Variants in KANK1 observed in about 807,000 individuals in gnomAD.
The protein encoded by KANK1 is KN motif and ankyrin repeat domains 1.
Under a neutral mutation model 106.2 loss-of-function variants are expected in KANK1, and 109 were observed. The ratio of observed to expected loss-of-function variants is 1.03; its 90% CI spans 0.88 to 1.20. The LOEUF is 1.20. KANK1 is among the 50% of genes most tolerant of loss of function. The pLI, the probability that KANK1 is intolerant of heterozygous loss-of-function variation, is 0.00. For missense variants in KANK1, 2,399 were observed against 1,710.7 expected (o/e 1.40, Z -7.10); for synonymous variants, 873 against 652.2 (o/e 1.34, Z -5.16).
chr9:496,017 A>G (rs1246883939), intron 3 of KANK1, among the ~76,000 whole-genome samples: 2 of 152,136 alleles, frequency 1.3e-5, no homozygotes, highest in Non-Finnish European at 2.9e-5. Flanking sequence ...TCCCAGCTGG[A>G]AGGGGTCAGG....
rs562186786 is a variant in KANK1 at position 587,403 on chromosome 9, A to G, written c.-84+82649A>G. Among the ~76,000 whole-genome samples, 11 of 152,322 alleles carry G rather than the reference A, an allele frequency of 7.2e-5. No individual in the cohort carries two copies. In the East Asian group the frequency reaches 1.3e-3, roughly 19 times the overall value. ...TAAATACCCCATTTTCATAAACACA[A>G]TATGCACAGACTAGATAATACTAGG... On this transcript the variant is annotated intron_variant, in intron 1 of 11. Coordinates refer to ENST00000382297, the MANE Select transcript of KANK1 (RefSeq NM_015158.5).
At chr9:632,148 C>T (rs959248277) in intron 1 of KANK1, among the ~76,000 whole-genome samples, 4 of 152,146 alleles carry the variant, frequency 2.6e-5, no homozygotes, top group Non-Finnish European at 5.9e-5. Flanking sequence ...TATGGTCAAA[C>T]GTTAGAAAGT....
chr9:554,428 C>T (rs569536992), intron 1 of KANK1, among the ~76,000 whole-genome samples: 2 of 152,316 alleles, frequency 1.3e-5, no homozygotes, highest in Admixed American at 6.5e-5. Flanking sequence ...CACTGATGAG[C>T]ATCCATGTTG....
chr9:567,738 G>C (rs957992129), intron 1 of KANK1, among the ~76,000 whole-genome samples: 3 of 152,208 alleles, frequency 2.0e-5, no homozygotes, highest in Non-Finnish European at 4.4e-5. Flanking sequence ...CCTTCCTCAT[G>C]GAACTTTGGT....
intron 1 of KANK1, among the ~76,000 whole-genome samples, chr9:612,177 CTGT>C (rs1460811341): frequency 1.3e-5 from 2 of 152,184 alleles, no homozygotes; most frequent in East Asian, 1.9e-4. Context: ...AGGAAACTAT[CTGT>C]TGTTTTGTGC....
intron 1 of KANK1, among the ~76,000 whole-genome samples, chr9:533,317 G>C (rs186156102): frequency 6.6e-6 from 1 of 152,186 alleles, no homozygotes; most frequent in Non-Finnish European, 1.5e-5. Context: ...ACAGAGTTTA[G>C]ATTTGCCAGT....
chr9:635,917 C>T (rs1480441697), intron 1 of KANK1, among the ~76,000 whole-genome samples: 2 of 151,956 alleles, frequency 1.3e-5, no homozygotes, highest in Non-Finnish European at 2.9e-5. Context: ...TCAGGTGATC[C>T]ACCTGCATCA....
rs142442062 is a variant in KANK1 at position 712,053 on chromosome 9, A to C, written c.1287A>C (p.Thr429=). ...CCTGTAAGGATGCAGCTGTAGGGAC[A>C]CTTGTTGAGATGAGAAATTGTGGGG... ...SRSCKDAAVG[T]LVEMRNCGVS... is the part of the protein sequence containing the mutation. The change falls in exon 3 of 12, where the codon ACA becomes ACC. Residue 429 remains threonine (T), a synonymous_variant. Coordinates refer to ENST00000382297, the MANE Select transcript of KANK1 (RefSeq NM_015158.5). 46 of 1,614,064 alleles carry C rather than the reference A, an allele frequency of 2.8e-5. No homozygotes were observed. In the African/African-American group the frequency reaches 6.1e-4, roughly 22 times the overall value.
At chr9:477,315 A>AT (rs1241794422) in intron 3 of KANK1, among the ~76,000 whole-genome samples, 7 of 152,176 alleles carry the variant, frequency 4.6e-5, no homozygotes, top group African/African-American at 1.7e-4. Flanking sequence ...AAAAAAAAAA[A>AT]AAAAAGATCT....
intron 1 of KANK1, among the ~76,000 whole-genome samples, chr9:626,729 T>C (rs962135823): frequency 6.6e-6 from 1 of 152,198 alleles, no homozygotes; most frequent in Admixed American, 6.5e-5. Context: ...GGACAGAATA[T>C]ATTTGTGCTT....
chr9:609,443 C>A (rs760575670), intron 1 of KANK1, among the ~76,000 whole-genome samples: 1 of 152,102 alleles, frequency 6.6e-6, no homozygotes, highest in African/African-American at 2.4e-5. Flanking sequence ...GCCTGGCCAA[C>A]ATGGTGAAAC....
intron 1 of KANK1, among the ~76,000 whole-genome samples, chr9:538,865 AT>A (rs1441571232): frequency 6.6e-6 from 1 of 152,004 alleles, no homozygotes; most frequent in Admixed American, 6.6e-5. Context: ...TTGTTTGAAA[AT>A]TTTCCAGCTT....
At chr9:732,215 C>A in intron 5 of KANK1, 163 bp from the exon 6 acceptor site, 7 of 744,704 alleles carry the variant, frequency 9.4e-6, no homozygotes, top group Non-Finnish European at 1.5e-5. Context: ...CCATTCAAAA[C>A]CACCAGGCAT....
At chr9:736,193 C>G (rs960312638) in intron 7 of KANK1, among the ~76,000 whole-genome samples, 1 of 152,162 alleles carries the variant, frequency 6.6e-6, no homozygotes, top group African/African-American at 2.4e-5. Context: ...CTCCTGACCT[C>G]GTGGTCCGCC....
intron 1 of KANK1, among the ~76,000 whole-genome samples, chr9:539,990 C>G (rs929399768): frequency 6.6e-6 from 1 of 152,176 alleles, no homozygotes; most frequent in Non-Finnish European, 1.5e-5. Flanking sequence ...CAAACAGAGA[C>G]AGAGTAACTT....
intron 3 of KANK1, among the ~76,000 whole-genome samples, chr9:720,832 G>A (rs4742292): frequency 0.63 from 95,019 of 152,002 alleles, 30,065 homozygotes; most frequent in Middle Eastern, 0.67. Flanking sequence ...TGTTCAGGGA[G>A]CATTTACTTT....
intron 3 of KANK1, among the ~76,000 whole-genome samples, chr9:480,302 G>C (rs2132143139): frequency 6.6e-6 from 1 of 152,334 alleles, no homozygotes; most frequent in Middle Eastern, 3.4e-3. Flanking sequence ...AGACAGATGT[G>C]TAAGATTATT....
intron 7 of KANK1, 52 bp from the exon 8 acceptor site, chr9:738,233 T>C: frequency 7.0e-7 from 1 of 1,437,112 alleles, no homozygotes; most frequent in Non-Finnish European, 9.6e-7. Context: ...TTCAACTAGG[T>C]CTCAGAAAGT....
At chr9:536,595 T>C (rs1026052727) in intron 1 of KANK1, among the ~76,000 whole-genome samples, 5 of 152,192 alleles carry the variant, frequency 3.3e-5, no homozygotes, top group African/African-American at 1.2e-4. Flanking sequence ...TTCTTCTGGC[T>C]CCTCTTATGT....
Sources: allele counts gnomAD v4.1 joint callset (sites outside exome capture counted in the v4.1 genomes callset), GRCh38; gene constraint gnomAD v4.1.1; transcripts MANE v1.5; gene names NCBI Gene and HGNC (gene_info 2026-07-23, HGNC 2026-07-21).